NAV3: variants seen among roughly 807,000 people sequenced by gnomAD.
The protein encoded by NAV3 is pore membrane and/or filament interacting like protein 1.
In NAV3, 87 loss-of-function variants were observed where a neutral mutation model predicts 244.7. That is an observed-to-expected ratio of 0.36 (90% CI 0.30 to 0.42). The LOEUF (loss-of-function observed/expected upper bound fraction) is 0.42. Ranked by LOEUF, NAV3 falls within the 20% of genes least tolerant of loss-of-function variation. The pLI, the probability that NAV3 is intolerant of heterozygous loss-of-function variation, is 1.00. For missense variants in NAV3, 2,663 were observed against 2,893.3 expected (o/e 0.92, Z 1.83); for synonymous variants, 1,126 against 1,042.2 (o/e 1.08, Z -1.55).
chr12:77,744,395 C>A (rs1013915468), intron 2 of NAV3, among the ~76,000 whole-genome samples: 12 of 152,062 alleles, frequency 7.9e-5, no homozygotes, highest in African/African-American at 2.6e-4. Flanking sequence ...CTATTACTCC[C>A]AGAATGCATA....
chr12:77,598,594 T>G (rs1870279200), intron 2 of NAV3, among the ~76,000 whole-genome samples: 1 of 151,948 alleles, frequency 6.6e-6, no homozygotes, highest in South Asian at 2.1e-4. Context: ...ATAATTGATA[T>G]GCAAAAATCT....
chr12:78,119,087 C>G (rs924320395), intron 14 of NAV3, 150 bp from the exon 15 acceptor site: 1 of 834,912 alleles, frequency 1.2e-6, no homozygotes, highest in Admixed American at 2.6e-5. Flanking sequence ...TGCACTCAGT[C>G]CTCTCAATAT....
At chr12:77,656,252 G>A (rs1162136078) in intron 2 of NAV3, among the ~76,000 whole-genome samples, 1 of 138,924 alleles carries the variant, frequency 7.2e-6, no homozygotes, top group Admixed American at 7.1e-5. Context: ...AAAATAAAAG[G>A]ATGGAGGAAG....
rs559686410 is a variant in NAV3, at chr12:77,868,324, A to G, written c.243+36620A>G. ...AATATATATTAATATTGTTAATATA[A>G]TAACGTATGTTATTCTATTTTATCT... On this transcript the variant is annotated intron_variant, in intron 1 of 39. Transcript: ENST00000397909. Among the ~76,000 whole-genome samples the G allele has an allele frequency of 4.6e-5, 7 of 152,288 alleles. No individual in the cohort carries two copies. The South Asian group carries it at 1.4e-3, about 32-fold the overall frequency.
chr12:77,590,344 C>T (rs777938032), intron 2 of NAV3, among the ~76,000 whole-genome samples: 4 of 152,160 alleles, frequency 2.6e-5, no homozygotes, highest in Non-Finnish European at 5.9e-5. Flanking sequence ...AATTCTCCAG[C>T]AGAAGGAATG....
chr12:77,898,904 G>T (rs1381141236), intron 1 of NAV3, among the ~76,000 whole-genome samples: 1 of 152,166 alleles, frequency 6.6e-6, no homozygotes, highest in Non-Finnish European at 1.5e-5. Context: ...ATGTCAAAAT[G>T]TTAATATTAA....
intron 2 of NAV3, among the ~76,000 whole-genome samples, chr12:77,652,332 G>A (rs912857600): frequency 2.6e-5 from 4 of 152,112 alleles, no homozygotes; most frequent in Non-Finnish European, 4.4e-5. Context: ...ACACTATGCC[G>A]TGTTGCTTCA....
At chr12:78,093,706 C>T (rs954155872) in intron 12 of NAV3, among the ~76,000 whole-genome samples, 10 of 150,612 alleles carry the variant, frequency 6.6e-5, no homozygotes, top group Admixed American at 5.9e-4. Context: ...ATGAATTATA[C>T]AAACTTATTT....
intron 2 of NAV3, among the ~76,000 whole-genome samples, chr12:77,675,924 C>T (rs1478552184): frequency 6.6e-6 from 1 of 152,032 alleles, no homozygotes; most frequent in Non-Finnish European, 1.5e-5. Context: ...CTGTCAGTCT[C>T]CCCTCCGTGG....
chr12:77,846,893 AT>A (rs1876729530), intron 1 of NAV3, among the ~76,000 whole-genome samples: 1 of 152,146 alleles, frequency 6.6e-6, no homozygotes, highest in African/African-American at 2.4e-5. Context: ...GGCAATGAAA[AT>A]AATACACTTT....
chr12:77,934,037 G>A (rs1397440187), intron 1 of NAV3, among the ~76,000 whole-genome samples: 1 of 152,164 alleles, frequency 6.6e-6, no homozygotes, highest in African/African-American at 2.4e-5. Context: ...TCAGTTCAAA[G>A]TAACATAATC....
chr12:78,208,303 A>G (rs987757639), intron 39 of NAV3, among the ~76,000 whole-genome samples: 2 of 152,064 alleles, frequency 1.3e-5, no homozygotes, highest in Non-Finnish European at 2.9e-5. Context: ...AATGCCATTA[A>G]TCTGTTCATG....
At chr12:77,811,367 G>T (rs1437220613) in intron 2 of NAV3, among the ~76,000 whole-genome samples, 1 of 152,124 alleles carries the variant, frequency 6.6e-6, no homozygotes, top group Non-Finnish European at 1.5e-5. Flanking sequence ...GGACTTAATA[G>T]TTAAGAGAGT....
chr12:77,960,868 TAA>T (rs1491160632), intron 3 of NAV3, among the ~76,000 whole-genome samples: 7 of 34,240 alleles, frequency 2.0e-4, no homozygotes, highest in Admixed American at 5.7e-4. Context: ...TACACACATA[TAA>T]TAATATATTG....
chr12:77,954,390 A>G (rs1891173979), intron 3 of NAV3, among the ~76,000 whole-genome samples: 2 of 152,230 alleles, frequency 1.3e-5, no homozygotes, highest in African/African-American at 4.8e-5. Context: ...GGTAGTAAGC[A>G]TAATGAGGCA....
chr12:77,716,550 A>T (rs942419348), intron 2 of NAV3, among the ~76,000 whole-genome samples: 2 of 151,920 alleles, frequency 1.3e-5, no homozygotes, highest in African/African-American at 2.4e-5. Flanking sequence ...TTTAATCCTT[A>T]TATAACTCCT....
At chr12:77,928,304 C>A (rs1274408277) in intron 1 of NAV3, among the ~76,000 whole-genome samples, 4 of 149,744 alleles carry the variant, frequency 2.7e-5, no homozygotes, top group African/African-American at 9.9e-5. Context: ...TTTGGAACAG[C>A]AAGAAAGATT....
intron 2 of NAV3, among the ~76,000 whole-genome samples, chr12:77,777,734 C>T (rs920008851): frequency 1.3e-5 from 2 of 152,050 alleles, no homozygotes; most frequent in Non-Finnish European, 2.9e-5. Context: ...TAAACAAATA[C>T]TACACAGAGA....
intron 28 of NAV3, among the ~76,000 whole-genome samples, chr12:78,179,107 AAAG>A (rs1439374886): frequency 2.6e-5 from 4 of 152,108 alleles, no homozygotes; most frequent in Non-Finnish European, 4.4e-5. Context: ...CAATTTTACA[AAAG>A]AAGAAATCAA....
Sources: gnomAD v4.1 joint callset for allele counts (sites outside exome capture counted in the v4.1 genomes callset) on GRCh38, gnomAD v4.1.1 for gene constraint, MANE v1.5 for transcripts, NCBI Gene and HGNC (gene_info 2026-07-23, HGNC 2026-07-21) for gene names.